The following PRXL2A variants were observed in gnomAD, a reference collection of about 807,000 sequenced individuals.
The protein encoded by PRXL2A is peroxiredoxin-like 2A.
A neutral mutation model predicts 25.6 loss-of-function variants in PRXL2A; 26 were observed. That is an observed-to-expected ratio of 1.02 (90% CI 0.74 to 1.41). The LOEUF is 1.41. PRXL2A is among the 40% of genes most tolerant of loss of function. The probability of loss-of-function intolerance (pLI) is 0.00; values close to 1 mark genes in which losing one functional copy is unlikely to be tolerated. For synonymous variants in PRXL2A, 98 were observed against 102.9 expected (o/e 0.95, Z 0.29); for missense variants, 246 against 273.9 (o/e 0.90, Z 0.72).
At chr10:80,419,466 G>A (rs1389237803) in intron 1 of PRXL2A, among the ~76,000 whole-genome samples, 3 of 150,718 alleles carry the variant, frequency 2.0e-5, no homozygotes, top group Admixed American at 6.6e-5. Flanking sequence ...GCACCACCAC[G>A]CCCGGCTAAT....
chr10:80,422,583 AG>A (rs1844909127), intron 3 of PRXL2A, 75 bp downstream of exon 3: 1 of 1,153,072 alleles, frequency 8.7e-7, no homozygotes, highest in African/African-American at 1.5e-5. Flanking sequence ...GCCAGAACCA[AG>A]GGTCGGTAAG....
At chr10:80,426,237 A>T (rs951097828) in intron 4 of PRXL2A, among the ~76,000 whole-genome samples, 1 of 152,248 alleles carries the variant, frequency 6.6e-6, no homozygotes, top group African/African-American at 2.4e-5. Context: ...TGACTTAACG[A>T]TCTTTCAGCT....
chr10:80,420,583 C>T lies in PRXL2A; in HGVS notation c.116C>T (p.Ser39Phe). 1 of 1,613,936 alleles carries T rather than the reference C, an allele frequency of 6.2e-7. No homozygotes were observed. The change falls in exon 2 of 6, where the codon TCC becomes TTC. Residue 39 changes from serine (S) to phenylalanine (F), a missense_variant. Transcript: ENST00000606162. ...LLLANTDVFLSKPQKAALEYL... is the reference protein window; with the variant it reads ...LLLANTDVFLFKPQKAALEYL... ...CTTGCCAACACAGACGTGTTTCTGTCCAAGCCCCAGAAAGCGGCCCTGGAG... is the reference window on the plus strand; with the variant it reads ...CTTGCCAACACAGACGTGTTTCTGTTCAAGCCCCAGAAAGCGGCCCTGGAG...
At chr10:80,420,076 T>G in intron 1 of PRXL2A, 4 of 987,062 alleles carry the variant, frequency 4.1e-6, no homozygotes, top group Non-Finnish European at 4.8e-6. Context: ...TGAGGGAGAA[T>G]CAGGCATTGA....
At chr10:80,427,130 A>G (rs903872975) in intron 4 of PRXL2A, among the ~76,000 whole-genome samples, 1 of 142,492 alleles carries the variant, frequency 7.0e-6, no homozygotes, top group African/African-American at 2.8e-5. Context: ...CTGACAGAGC[A>G]AGACTCCATC....
intron 2 of PRXL2A, 133 bp from the exon 3 acceptor site, chr10:80,422,284 T>A (rs1844892610): frequency 9.8e-6 from 6 of 611,958 alleles, no homozygotes; most frequent in Non-Finnish European, 8.8e-6. Flanking sequence ...TTTTCCCACG[T>A]GTGAAATGCC....
At chr10:80,414,620 C>T (rs561364972) in intron 1 of PRXL2A, among the ~76,000 whole-genome samples, 2 of 152,164 alleles carry the variant, frequency 1.3e-5, no homozygotes, top group East Asian at 3.8e-4. Flanking sequence ...GAATGTGTGG[C>T]GAGGAAAGGT....
intron 1 of PRXL2A, chr10:80,419,858 A>G: frequency 2.5e-6 from 1 of 393,842 alleles, no homozygotes; most frequent in South Asian, 1.0e-4. Context: ...GGGAGAAATT[A>G]CTGCCTGCCT....
intron 5 of PRXL2A, among the ~76,000 whole-genome samples, chr10:80,430,601 G>A (rs866790266): frequency 9.2e-5 from 14 of 152,188 alleles, no homozygotes; most frequent in African/African-American, 2.9e-4. Flanking sequence ...AGCTATGATC[G>A]CACCACTGAA....
intron 4 of PRXL2A, among the ~76,000 whole-genome samples, chr10:80,426,864 C>T (rs1845057665): frequency 6.6e-6 from 1 of 152,070 alleles, no homozygotes; most frequent in South Asian, 2.1e-4. Flanking sequence ...CCTGGATTGG[C>T]TGGGCATGGT....
At chr10:80,417,319 C>G (rs1844696174) in intron 1 of PRXL2A, among the ~76,000 whole-genome samples, 1 of 152,216 alleles carries the variant, frequency 6.6e-6, no homozygotes, top group African/African-American at 2.4e-5. Context: ...CTGGGAACTT[C>G]ATACATTGTT....
chr10:80,430,889 T>TTTTGTTTG (rs1030537705), intron 5 of PRXL2A, among the ~76,000 whole-genome samples: 1 of 152,108 alleles, frequency 6.6e-6, no homozygotes, highest in Admixed American at 6.5e-5. Context: ...TTGTTCGTGT[T>TTTTGTTTG]TTTGTTTGTT....
intron 2 of PRXL2A, 74 bp downstream of exon 2, chr10:80,420,719 C>T: frequency 5.2e-6 from 6 of 1,148,732 alleles, no homozygotes; most frequent in Non-Finnish European, 7.0e-6. Context: ...TCTTTCTAAA[C>T]TCTCTCCTTT....
At chr10:80,420,346 T>C in intron 1 of PRXL2A, 120 bp from the exon 2 acceptor site, 1 of 1,471,162 alleles carries the variant, frequency 6.8e-7, no homozygotes, top group East Asian at 2.4e-5. Flanking sequence ...GTGACACTGC[T>C]GCTCCCTTCC....
chr10:80,435,889 A>C lies in PRXL2A; in HGVS notation c.*3790A>C, dbSNP rs573790810. Reference sequence around the variant, plus strand: ...TGGGCTTTGGACTTGAAGTTTCAGCAGCCTTTGACAAGCATTTGCAGGTTT... The same window carrying C: ...TGGGCTTTGGACTTGAAGTTTCAGCCGCCTTTGACAAGCATTTGCAGGTTT... On this transcript the variant is annotated 3_prime_UTR_variant, in exon 6 of 6. Transcript: ENST00000606162. The C allele has an allele frequency of 2.0e-5, 3 of 152,262 alleles. 1 individual carries two copies. In the East Asian group the frequency reaches 5.8e-4, roughly 29 times the overall value. 9.4% of individuals were successfully genotyped at this position (152,262 alleles called of 1,614,324 possible).
intron 4 of PRXL2A, among the ~76,000 whole-genome samples, chr10:80,426,709 G>A (rs1388627457): frequency 6.6e-6 from 1 of 152,216 alleles, no homozygotes; most frequent in African/African-American, 2.4e-5. Flanking sequence ...GCAGAAGGTA[G>A]CACTGTTACC....
chr10:80,422,788 A>T (rs1264478003), intron 3 of PRXL2A, among the ~76,000 whole-genome samples: 1 of 151,822 alleles, frequency 6.6e-6, no homozygotes, highest in Non-Finnish European at 1.5e-5. Flanking sequence ...CCATATTCCA[A>T]TTTAATCAGG....
intron 5 of PRXL2A, among the ~76,000 whole-genome samples, chr10:80,429,588 TCCTGCCCTGCCCTGC>T (rs139041867): frequency 1.3e-5 from 1 of 77,300 alleles, no homozygotes; most frequent in Admixed American, 1.5e-4. Context: ...CCCTAGCCTC[TCCTGCCCTGCCCTGC>T]CCTGCCCTGC....
At chr10:80,422,549 G>T (rs1211348553) in intron 3 of PRXL2A, 41 bp downstream of exon 3, 3 of 1,497,064 alleles carry the variant, frequency 2.0e-6, no homozygotes, top group Admixed American at 3.4e-5. Flanking sequence ...AGGGATCCTG[G>T]CAAGTAGGGG....
Sources: gnomAD v4.1 joint callset for allele counts (sites outside exome capture counted in the v4.1 genomes callset) on GRCh38, gnomAD v4.1.1 for gene constraint, MANE v1.5 for transcripts, NCBI Gene and HGNC (gene_info 2026-07-23, HGNC 2026-07-21) for gene names.